Variants in MDFIC2 observed in about 807,000 individuals in gnomAD.
The protein encoded by MDFIC2 is MyoD family inhibitor domain containing 2.
intron 2 of MDFIC2, among the ~76,000 whole-genome samples, chr3:70,253,840 T>C (rs1332274261): frequency 6.6e-6 from 1 of 152,222 alleles, no homozygotes; most frequent in Non-Finnish European, 1.5e-5. Context: ...GAAACTCTTG[T>C]ATTAAATAAG....
At chr3:70,246,143 C>T (rs183155187) in intron 2 of MDFIC2, among the ~76,000 whole-genome samples, 8 of 151,882 alleles carry the variant, frequency 5.3e-5, no homozygotes, top group Admixed American at 2.6e-4. Context: ...TGGGATGAAC[C>T]GTAGCAACTA....
At chr3:70,257,707 A>T (rs761610138) in intron 2 of MDFIC2, among the ~76,000 whole-genome samples, 4 of 152,174 alleles carry the variant, frequency 2.6e-5, no homozygotes, top group Non-Finnish European at 5.9e-5. Context: ...GCATCGGAAG[A>T]CTCAATACTG....
At chr3:70,274,523 A>T (rs913979401) in intron 2 of MDFIC2, among the ~76,000 whole-genome samples, 21 of 152,188 alleles carry the variant, frequency 1.4e-4, no homozygotes, top group African/African-American at 5.1e-4. Flanking sequence ...GAAACTTCCA[A>T]ATTGAACAGA....
Position 70,269,042 on chromosome 3 carries a change from T to G in MDFIC2, c.88+42844A>C, listed in dbSNP as rs576786655. The stretch of plus-strand genomic sequence containing the variant: ...AGAAAAGAATTCTATTGTGATAGGA[T>G]ATATTATTGTCCCTTTATCAACCTG... On this transcript the variant is annotated intron_variant, in intron 2 of 3. Coordinates refer to ENST00000567252, the MANE Select transcript of MDFIC2 (RefSeq NM_001364677.1). Among the ~76,000 whole-genome samples, 31 of 152,240 alleles carry G rather than the reference T, an allele frequency of 2.0e-4. 2 individuals are homozygous for G. Among genetic ancestry groups the G allele is most frequent in the South Asian group, 1.7e-3 (8 of 4,830 alleles).
intron 2 of MDFIC2, among the ~76,000 whole-genome samples, chr3:70,260,241 C>T (rs759641388): frequency 4.6e-5 from 7 of 152,134 alleles, no homozygotes; most frequent in Non-Finnish European, 1.0e-4. Flanking sequence ...AGCTGCCTAA[C>T]TCCAATCTCT....
chr3:70,234,433 G>A (rs929900894), intron 2 of MDFIC2, among the ~76,000 whole-genome samples: 2 of 151,976 alleles, frequency 1.3e-5, no homozygotes, highest in African/African-American at 4.8e-5. Flanking sequence ...TGGATTTCTT[G>A]AGCCCAGGAG....
At chr3:70,234,990 A>T (rs1185755004) in intron 2 of MDFIC2, among the ~76,000 whole-genome samples, 1 of 152,174 alleles carries the variant, frequency 6.6e-6, no homozygotes, top group Non-Finnish European at 1.5e-5. Context: ...GCAACTGTGA[A>T]GATGATTCTA....
intron 2 of MDFIC2, among the ~76,000 whole-genome samples, chr3:70,260,624 T>A (rs1019503629): frequency 6.6e-6 from 1 of 152,080 alleles, no homozygotes; most frequent in Non-Finnish European, 1.5e-5. Context: ...CCCTAGTGGC[T>A]GCATCACTCC....
intron 2 of MDFIC2, among the ~76,000 whole-genome samples, chr3:70,217,268 G>C (rs1358154642): frequency 6.6e-6 from 1 of 152,204 alleles, no homozygotes; most frequent in Non-Finnish European, 1.5e-5. Context: ...CCCCCATTCA[G>C]TACAAACGTA....
At position 70,237,977 on chromosome 3, in the gene MDFIC2, A is replaced by ATTTTTTTTTTTT. The variant is rs1251005797; in HGVS notation, c.89-31188_89-31187insAAAAAAAAAAAA. On this transcript the variant is annotated intron_variant, in intron 2 of 3. Transcript: ENST00000567252. ...AGGGAAAAGAAACTAATTGAGTGGT[A>ATTTTTTTTTTTT]TCTTTTTTTTTTTTTTTTTTTTTTT... Among the ~76,000 whole-genome samples, 25 of 13,006 alleles carry ATTTTTTTTTTTT rather than the reference A, an allele frequency of 1.9e-3. 1 individual carries two copies. Among genetic ancestry groups the ATTTTTTTTTTTT allele is most frequent in the African/African-American group, 4.9e-3 (10 of 2,028 alleles). The allele number at this position is 13,006 out of a possible 152,430, so 8.5% of individuals were successfully genotyped here.
intron 2 of MDFIC2, among the ~76,000 whole-genome samples, chr3:70,264,898 A>G (rs1384760771): frequency 6.6e-6 from 1 of 152,218 alleles, no homozygotes; most frequent in Non-Finnish European, 1.5e-5. Flanking sequence ...AGGAAAGACG[A>G]TTAATTGACT....
rs549742228 is a variant in MDFIC2, at chr3:70,292,660, T to C, written c.88+19226A>G. Among the ~76,000 whole-genome samples the C allele has an allele frequency of 3.3e-5, 5 of 152,276 alleles. No individual in the cohort carries two copies. The South Asian group carries it at 1.0e-3, about 32-fold the overall frequency. ...ACTATTTAAACTCCCTAATGATTGA[T>C]GAAAACAATTCATTTCCAAATGTTT... On this transcript the variant is annotated intron_variant, in intron 2 of 3. Transcript: ENST00000567252.
chr3:70,294,594 G>A (rs978544184), intron 2 of MDFIC2, among the ~76,000 whole-genome samples: 2 of 152,058 alleles, frequency 1.3e-5, no homozygotes, highest in Non-Finnish European at 2.9e-5. Flanking sequence ...CAAGGTAGCC[G>A]GGTCACTTAG....
intron 2 of MDFIC2, among the ~76,000 whole-genome samples, chr3:70,244,881 G>C (rs923204331): frequency 6.6e-6 from 1 of 152,124 alleles, no homozygotes; most frequent in African/African-American, 2.4e-5. Flanking sequence ...TTAGAATAAT[G>C]TACTTTAAAA....
intron 2 of MDFIC2, among the ~76,000 whole-genome samples, chr3:70,290,971 G>C (rs540432590): frequency 5.7e-4 from 87 of 152,248 alleles, no homozygotes; most frequent in Admixed American, 1.4e-3. Context: ...GCACTCCCTA[G>C]TGAGATGAAC....
intron 2 of MDFIC2, among the ~76,000 whole-genome samples, chr3:70,292,391 C>A (rs1702247234): frequency 6.6e-6 from 1 of 152,108 alleles, no homozygotes. Context: ...TCCACTATGC[C>A]TGACACATAG....
chr3:70,208,427 T>G (rs1701311554), intron 2 of MDFIC2, among the ~76,000 whole-genome samples: 1 of 152,218 alleles, frequency 6.6e-6, no homozygotes, highest in East Asian at 1.9e-4. Context: ...AAATGTCTAG[T>G]GGGTTCTGCT....
intron 2 of MDFIC2, among the ~76,000 whole-genome samples, chr3:70,272,523 T>C (rs183289026): frequency 2.6e-5 from 4 of 152,372 alleles, no homozygotes; most frequent in Admixed American, 2.6e-4. Context: ...TGTTTGGATG[T>C]TTCCTGTTTT....
At chr3:70,311,211 G>A (rs1228271095) in intron 2 of MDFIC2, among the ~76,000 whole-genome samples, 1 of 152,032 alleles carries the variant, frequency 6.6e-6, no homozygotes, top group Non-Finnish European at 1.5e-5. Flanking sequence ...AAAAGACGCA[G>A]CATACCTATT....
Sources: gnomAD v4.1 joint callset for allele counts (sites outside exome capture counted in the v4.1 genomes callset) on GRCh38, gnomAD v4.1.1 for gene constraint, MANE v1.5 for transcripts, NCBI Gene and HGNC (gene_info 2026-07-23, HGNC 2026-07-21) for gene names.